GRIK4: variants seen among roughly 807,000 people sequenced by gnomAD.
GRIK4 encodes the protein glutamate receptor ionotropic, kainate 4.
Under a neutral mutation model 104.9 loss-of-function variants are expected in GRIK4, and 40 were observed. The ratio of observed to expected loss-of-function variants is 0.38; its 90% CI spans 0.30 to 0.50. The LOEUF is 0.50. Ranked by LOEUF, GRIK4 falls within the 20% of genes least tolerant of loss-of-function variation. The pLI, the probability that GRIK4 is intolerant of heterozygous loss-of-function variation, is 0.93. For synonymous variants in GRIK4, 485 were observed against 524.9 expected (o/e 0.92, Z 1.04); for missense variants, 1,047 against 1,308.1 (o/e 0.80, Z 3.08).
At chr11:120,545,186 G>A (rs373382884) in intron 1 of GRIK4, among the ~76,000 whole-genome samples, 8 of 152,102 alleles carry the variant, frequency 5.3e-5, no homozygotes, top group African/African-American at 1.9e-4. Flanking sequence ...GAGCCCTTTT[G>A]TGCATCTCTT....
At chr11:120,745,056 A>G (rs981611627) in intron 3 of GRIK4, among the ~76,000 whole-genome samples, 3 of 151,900 alleles carry the variant, frequency 2.0e-5, no homozygotes, top group Non-Finnish European at 4.4e-5. Context: ...GACCGAGGGG[A>G]ATTGAGTAGG....
chr11:120,587,812 G>A (rs1433608143), intron 1 of GRIK4, among the ~76,000 whole-genome samples: 1 of 152,214 alleles, frequency 6.6e-6, no homozygotes, highest in Non-Finnish European at 1.5e-5. Context: ...CTGTGGGGTG[G>A]CACAGGCACC....
intron 3 of GRIK4, among the ~76,000 whole-genome samples, chr11:120,681,014 C>T (rs779266912): frequency 5.9e-5 from 9 of 152,142 alleles, no homozygotes; most frequent in Non-Finnish European, 1.2e-4. Context: ...GGCCCTGATG[C>T]CCGACTCCAC....
Position 120,802,802 on chromosome 11 carries a change from C to A in GRIK4, c.192C>A (p.Val64=). ...CTGAGAGGCTGGGCAAGGCCAAGGT[C>A]GAAGTGGACATCTTTGAGCTTCTCA... ...RAPERLGKAK[V]EVDIFELLRD... The change falls in exon 4 of 21, where the codon GTC becomes GTA. Residue 64 remains valine, a synonymous_variant. Transcript: ENST00000527524. 2 of 1,614,160 alleles carry A rather than the reference C, an allele frequency of 1.2e-6. No homozygotes were observed. The highest frequency in any genetic ancestry group is 1.7e-6 in the Non-Finnish European group (2 of 1,180,014).
At position 120,530,285 on chromosome 11, in the gene GRIK4, C is replaced by T. The variant is rs180982567; in HGVS notation, c.-159+18398C>T. Reference sequence around the variant, plus strand: ...AATAATGGTGAGCAAATGAATCGGTCGATGGCCTGTGGGGAGAGGCTCCAG... The same window carrying T: ...AATAATGGTGAGCAAATGAATCGGTTGATGGCCTGTGGGGAGAGGCTCCAG... On this transcript the variant is annotated intron_variant, in intron 1 of 20. Coordinates refer to ENST00000527524, the MANE Select transcript of GRIK4 (RefSeq NM_014619.5). Among the ~76,000 whole-genome samples, 502 of 152,260 alleles carry T rather than the reference C, an allele frequency of 3.3e-3. 4 individuals are homozygous for T. Among genetic ancestry groups the T allele is most frequent in the Non-Finnish European group, 5.1e-3 (346 of 68,030 alleles).
chr11:120,724,302 C>T (rs1403930174), intron 3 of GRIK4, among the ~76,000 whole-genome samples: 1 of 152,198 alleles, frequency 6.6e-6, no homozygotes, highest in African/African-American at 2.4e-5. Flanking sequence ...GTGTAAGTCA[C>T]AGCACCCAGC....
At chr11:120,686,207 A>G (rs1054739911) in intron 3 of GRIK4, among the ~76,000 whole-genome samples, 1 of 152,150 alleles carries the variant, frequency 6.6e-6, no homozygotes, top group Admixed American at 6.5e-5. Context: ...CCAATTCTTC[A>G]TACCTATCCT....
At chr11:120,776,501 G>C (rs1227691709) in intron 3 of GRIK4, among the ~76,000 whole-genome samples, 1 of 152,226 alleles carries the variant, frequency 6.6e-6, no homozygotes, top group South Asian at 2.1e-4. Flanking sequence ...GAAGGCAGGA[G>C]ATCACTGGAT....
chr11:120,735,196 C>T (rs1171969591), intron 3 of GRIK4, among the ~76,000 whole-genome samples: 2 of 152,132 alleles, frequency 1.3e-5, no homozygotes. Flanking sequence ...ATTTGGACTT[C>T]GCAATCTGTG....
chr11:120,768,244 T>A (rs1479169398), intron 3 of GRIK4, among the ~76,000 whole-genome samples: 4 of 152,144 alleles, frequency 2.6e-5, no homozygotes, highest in African/African-American at 9.6e-5. Flanking sequence ...ATCTTATAGC[T>A]TTTGGTGTAA....
At chr11:120,791,968 T>G (rs1263066505) in intron 3 of GRIK4, among the ~76,000 whole-genome samples, 1 of 152,150 alleles carries the variant, frequency 6.6e-6, no homozygotes, top group Non-Finnish European at 1.5e-5. Flanking sequence ...GCTCAAAGAT[T>G]CTTGAAGTTC....
At chr11:120,614,056 C>T (rs1472060794) in intron 1 of GRIK4, among the ~76,000 whole-genome samples, 8 of 152,192 alleles carry the variant, frequency 5.3e-5, no homozygotes, top group Non-Finnish European at 1.2e-4. Context: ...CATATGTAAG[C>T]TCAGCCTGCA....
In GRIK4 at chr11:120,986,665, G is replaced by GA. The variant is rs796390996; in HGVS notation, c.*417dup. The GA allele has an allele frequency of 0.017, 2,534 of 149,070 alleles. 44 individuals are homozygous for GA. Among genetic ancestry groups the GA allele is most frequent in the African/African-American group, 0.045 (1,809 of 39,950 alleles). The allele number at this position is 149,070 out of a possible 1,614,324, so 9.2% of individuals were successfully genotyped here. On this transcript the variant is annotated 3_prime_UTR_variant, in exon 21 of 21. Transcript: ENST00000527524. Reference sequence around the variant, plus strand: ...ATGTACCCTCCGTCTAGTTCTTACAGAAAAAAAAAAAATTAAACAGGGAAG... The same window carrying GA: ...ATGTACCCTCCGTCTAGTTCTTACAGAAAAAAAAAAAAATTAAACAGGGAAG...
intron 9 of GRIK4, chr11:120,872,274 T>C: frequency 3.8e-6 from 1 of 265,820 alleles, no homozygotes; most frequent in Non-Finnish European, 7.4e-6. Flanking sequence ...CAGCACATAG[T>C]GAGGGGCTGG....
chr11:120,824,548 C>CTCTTTTTTT (rs1391390503), intron 6 of GRIK4, among the ~76,000 whole-genome samples: 1 of 131,178 alleles, frequency 7.6e-6, no homozygotes, highest in African/African-American at 2.7e-5. Context: ...TTTTTTTTTT[C>CTCTTTTTTT]TTTTCTTTTT....
intron 1 of GRIK4, among the ~76,000 whole-genome samples, chr11:120,587,985 GC>G (rs912857342): frequency 2.6e-5 from 4 of 152,184 alleles, no homozygotes; most frequent in Non-Finnish European, 5.9e-5. Context: ...TATGAAAACC[GC>G]TGTCAGTCAC....
chr11:120,713,549 G>A (rs1050931298), intron 3 of GRIK4, among the ~76,000 whole-genome samples: 2 of 152,224 alleles, frequency 1.3e-5, no homozygotes, highest in Non-Finnish European at 2.9e-5. Flanking sequence ...TTTACCAGGC[G>A]AGGTTTAATT....
chr11:120,602,814 C>A (rs973892960), intron 1 of GRIK4, among the ~76,000 whole-genome samples: 1 of 152,168 alleles, frequency 6.6e-6, no homozygotes, highest in African/African-American at 2.4e-5. Flanking sequence ...GCAATCCTCC[C>A]GTCTCAGCCT....
At chr11:120,732,578 G>A (rs986013172) in intron 3 of GRIK4, among the ~76,000 whole-genome samples, 2 of 151,894 alleles carry the variant, frequency 1.3e-5, no homozygotes, top group Non-Finnish European at 2.9e-5. Flanking sequence ...TTCCATTATC[G>A]TTTGTTTAAA....
Sources: allele counts gnomAD v4.1 joint callset (sites outside exome capture counted in the v4.1 genomes callset), GRCh38; gene constraint gnomAD v4.1.1; transcripts MANE v1.5; gene names NCBI Gene and HGNC (gene_info 2026-07-23, HGNC 2026-07-21).